CTC1: variants seen among roughly 807,000 people sequenced by gnomAD.
The protein encoded by CTC1 is CST telomere replication complex component 1, also known as CST complex subunit CTC1.
A neutral mutation model predicts 136.3 loss-of-function variants in CTC1; 91 were observed. The observed-to-expected ratio is 0.67, with a 90% CI of 0.56 to 0.79. The LOEUF is 0.79. CTC1 is among the 30% of genes least tolerant of loss of function. CTC1 has a pLI of 0.00. For synonymous variants in CTC1, 606 were observed against 613.8 expected (o/e 0.99, Z 0.19); for missense variants, 1,432 against 1,498.1 (o/e 0.96, Z 0.73).
intron 18 of CTC1, 80 bp from the exon 19 acceptor site, chr17:8,229,526 GA>G: frequency 7.6e-7 from 1 of 1,307,726 alleles, no homozygotes; most frequent in Non-Finnish European, 1.1e-6. Context: ...GGTGGGTCTA[GA>G]AGGACTTAGA....
intron 5 of CTC1, among the ~76,000 whole-genome samples, chr17:8,236,780 A>G (rs1237615371): frequency 2.0e-5 from 3 of 152,222 alleles, no homozygotes; most frequent in Non-Finnish European, 4.4e-5. Context: ...TAAAATTTCT[A>G]TAAAAAGGAA....
intron 15 of CTC1, 111 bp downstream of exon 15, chr17:8,231,165 A>G (rs2151506213): frequency 2.2e-6 from 2 of 919,530 alleles, no homozygotes; most frequent in Non-Finnish European, 3.3e-6. Context: ...AAAAACAACA[A>G]TAACAAAAGA....
chr17:8,230,886 C>T lies in CTC1; in HGVS notation c.2670-235G>A, dbSNP rs1032384065. The T allele has an allele frequency of 9.2e-6, 5 of 543,446 alleles. No homozygotes were observed. In the African/African-American group the frequency reaches 9.5e-5, roughly 10 times the overall value. 33.7% of individuals were successfully genotyped at this position (543,446 alleles called of 1,614,324 possible). ...CAAGGTGGCTCACGCCCCTAAATCC[C>T]AGCACTTTGGGAGGCTGAGGTGGGA... is the stretch of plus-strand genomic sequence containing the variant. On this transcript the variant is annotated intron_variant, in intron 15 of 22. Transcript: ENST00000651323.
intron 15 of CTC1, 40 bp from the exon 16 acceptor site, chr17:8,230,691 G>C: frequency 6.5e-7 from 1 of 1,542,400 alleles, no homozygotes; most frequent in Non-Finnish European, 9.0e-7. Context: ...GGAGGCACAA[G>C]AAAGCACAGA....
At position 8,225,744 on chromosome 17, in the gene CTC1, A is replaced by G. The variant is rs930783375; in HGVS notation, c.*2436T>C. 37 of 152,310 alleles carry G rather than the reference A, an allele frequency of 2.4e-4. No homozygotes were observed. The highest frequency in any genetic ancestry group is 8.7e-4 in the African/African-American group (36 of 41,568). 9.4% of individuals were successfully genotyped at this position (152,310 alleles called of 1,614,324 possible). ...GTGGAGAGGGATGGAGGTAACTGCA[A>G]GTGAAAGACCAGTTAGAGGACCGCA... is the stretch of plus-strand genomic sequence containing the variant. On this transcript the variant is annotated 3_prime_UTR_variant, in exon 23 of 23. Coordinates refer to ENST00000651323, the MANE Select transcript of CTC1 (RefSeq NM_025099.6).
chr17:8,245,577 C>T (rs141203813), intron 1 of CTC1, among the ~76,000 whole-genome samples: 25 of 152,212 alleles, frequency 1.6e-4, no homozygotes, highest in African/African-American at 5.8e-4. Flanking sequence ...AAAGTGATCC[C>T]ATGGCTTCAA....
In CTC1 at chr17:8,233,102, A is replaced by G; in HGVS notation, c.1819-70T>C. The G allele has an allele frequency of 1.9e-6, 3 of 1,539,262 alleles. No individual in the cohort carries two copies. In the South Asian group the frequency reaches 3.5e-5, roughly 18 times the overall value. ...ATACTGAGCATCTACTATTTGCCAG[A>G]TGCTGTATTACATGGTAAAGCTACA... On this transcript the variant is annotated intron_variant, in intron 10 of 22. Transcript: ENST00000651323.
At chr17:8,238,824 C>T (rs999745920) in intron 2 of CTC1, among the ~76,000 whole-genome samples, 195 bp from the exon 3 acceptor site, 2 of 152,144 alleles carry the variant, frequency 1.3e-5, no homozygotes, top group Non-Finnish European at 2.9e-5. Context: ...GGGCGAGTGG[C>T]TCACACCTGT....
chr17:8,235,949 G>A lies in CTC1; in HGVS notation c.1088C>T (p.Thr363Ile). 1 of 1,607,498 alleles carries A rather than the reference G, an allele frequency of 6.2e-7. No homozygotes were observed. The highest frequency in any genetic ancestry group is 8.5e-7 in the Non-Finnish European group (1 of 1,174,888). The change falls in exon 7 of 23, where the codon ACT becomes ATT. Residue 363 changes from threonine (T) to isoleucine (I), a missense_variant. By Grantham distance (89) the Thr-to-Ile change is moderately conservative (BLOSUM62 -1). Transcript: ENST00000651323. The stretch of plus-strand genomic sequence containing the variant: ...GCCAGCGGGCTCATTCAACACGCCA[G>A]TGACTGCTCCCTGCAAACAGGCCGA... The part of the protein sequence containing the change: ...SRLLSYSGAV[T>I]GVLNEPAGLY...
Position 8,230,428 on chromosome 17 carries a change from G to T in CTC1, c.2799C>A (p.Val933=), listed in dbSNP as rs756487472. ...GAMRRCVKLT[V]ALETAECEFP... ...ATTCACATTCAGCAGTCTCAAGAGC[G>T]ACTGTTAGCTTCACACACCTTCTCA... is the stretch of plus-strand genomic sequence containing the variant. Residue 933 remains valine, a synonymous_variant, in exon 17 of 23, where the codon GTC becomes GTA. Coordinates refer to ENST00000651323, the MANE Select transcript of CTC1 (RefSeq NM_025099.6). The T allele has an allele frequency of 3.5e-5, 56 of 1,613,948 alleles. No individual in the cohort carries two copies. Among genetic ancestry groups the T allele is most frequent in the Non-Finnish European group, 4.5e-5 (53 of 1,180,004 alleles).
intron 3 of CTC1, 30 bp from the exon 4 acceptor site, chr17:8,238,272 A>T: frequency 6.3e-7 from 1 of 1,578,898 alleles, no homozygotes; most frequent in Non-Finnish European, 8.6e-7. Flanking sequence ...AGGGTTAATC[A>T]GAACCTTAGC....
chr17:8,236,449 G>A lies in CTC1; in HGVS notation c.793-107C>T, dbSNP rs1420161702. 41 of 1,180,010 alleles carry A rather than the reference G, an allele frequency of 3.5e-5. No homozygotes were observed. In the East Asian group the frequency reaches 5.3e-4, roughly 15 times the overall value. The allele number at this position is 1,180,010 out of a possible 1,614,324, so 73.1% of individuals were successfully genotyped here. A position where few individuals can be genotyped will look rare whatever the true frequency, so the allele number is the denominator to read the frequency against. ...GAACTCAGAGACCTGCCCTCTGTGA[G>A]TCTCAACTCACCTCTCCATCTTCCC... is the stretch of plus-strand genomic sequence containing the variant. On this transcript the variant is annotated intron_variant, in intron 5 of 22. Transcript: ENST00000651323.
At chr17:8,237,977 A>G (rs1987889001) in intron 4 of CTC1, 54 bp downstream of exon 4, 2 of 1,424,878 alleles carry the variant, frequency 1.4e-6, no homozygotes, top group Admixed American at 3.5e-5. Flanking sequence ...CCACTGACCC[A>G]GCATCATCCT....
chr17:8,239,237 T>C (rs1331557981), intron 2 of CTC1, among the ~76,000 whole-genome samples: 2 of 151,688 alleles, frequency 1.3e-5, no homozygotes, highest in Non-Finnish European at 2.9e-5. Flanking sequence ...AGGAAATGAA[T>C]GTGTGGGGAG....
At position 8,240,833 on chromosome 17, in the gene CTC1, G is replaced by A. The variant is rs528403362; in HGVS notation, c.197+2152C>T. ...GGAGGTTGCAGTGAGCAGAGATCGC[G>A]ATATTGCACTATAGCCTGGGCCACA... On this transcript the variant is annotated intron_variant, in intron 2 of 22. Transcript: ENST00000651323. Among the ~76,000 whole-genome samples, 11 of 152,122 alleles carry A rather than the reference G, an allele frequency of 7.2e-5. 1 individual carries two copies. The South Asian group carries it at 1.2e-3, about 17-fold the overall frequency.
rs1007021721 is a variant in CTC1, at chr17:8,247,846, A to G, written c.33+158T>C. ...GAATGAGGGAATAAACATTCGCAGA[A>G]CCAGTAAGAGGTAGGAGCGGACCGA... On this transcript the variant is annotated intron_variant, in intron 1 of 22. Transcript: ENST00000651323. 8.8e-6 allele frequency: 6 copies of G among 682,972 alleles called. No homozygotes were observed. In the African/African-American group the frequency reaches 9.1e-5, roughly 10 times the overall value. The allele number at this position is 682,972 out of a possible 1,614,324, so 42.3% of individuals were successfully genotyped here.
At chr17:8,242,561 T>C (rs1209936865) in intron 2 of CTC1, among the ~76,000 whole-genome samples, 2 of 112,656 alleles carry the variant, frequency 1.8e-5, no homozygotes, top group Non-Finnish European at 3.5e-5. Flanking sequence ...AAAATATATA[T>C]ATATATATAT....
chr17:8,233,401 G>T (rs1987414083), intron 10 of CTC1: 1 of 184,184 alleles, frequency 5.4e-6, no homozygotes, highest in South Asian at 8.9e-5. Context: ...AAGGCAGAAG[G>T]ATCACTTGAG....
At position 8,231,829 on chromosome 17, in the gene CTC1, G is replaced by A. The variant is rs1196577454; in HGVS notation, c.2386-14C>T. 1.2e-6 allele frequency: 2 copies of A among 1,614,080 alleles called. No individual in the cohort carries two copies. Among genetic ancestry groups the A allele is most frequent in the South Asian group, 2.2e-5 (2 of 91,068 alleles). On this transcript the variant is annotated splice_polypyrimidine_tract_variant and intron_variant, in intron 13 of 22. Coordinates refer to ENST00000651323, the MANE Select transcript of CTC1 (RefSeq NM_025099.6). ...AATGAGGTGAACCTGGGAGGATGGA[G>A]AGCAAAGTGCTGGGATCCTAGCCAG...
Sources: gnomAD v4.1 joint callset for allele counts (sites outside exome capture counted in the v4.1 genomes callset) on GRCh38, gnomAD v4.1.1 for gene constraint, MANE v1.5 for transcripts, NCBI Gene and HGNC (gene_info 2026-07-23, HGNC 2026-07-21) for gene names.